The following STK32B variants were observed in gnomAD, a reference collection of about 807,000 sequenced individuals.
STK32B encodes the protein serine/threonine kinase 32B.
In STK32B, 43 loss-of-function variants were observed where a neutral mutation model predicts 52.6. The observed-to-expected ratio is 0.82, with a 90% CI of 0.64 to 1.05. The LOEUF (loss-of-function observed/expected upper bound fraction) is 1.05. Among genes scored for constraint, STK32B ranks in the 50% least tolerant of loss-of-function variants. The probability of loss-of-function intolerance (pLI) is 0.00; values close to 1 mark genes in which losing one functional copy is unlikely to be tolerated. For synonymous variants in STK32B, 238 were observed against 204.3 expected (o/e 1.17, Z -1.41); for missense variants, 621 against 534.6 (o/e 1.16, Z -1.59).
chr4:5,428,936 T>C (rs1225967735), intron 6 of STK32B, among the ~76,000 whole-genome samples: 1 of 152,222 alleles, frequency 6.6e-6, no homozygotes, highest in Non-Finnish European at 1.5e-5. Context: ...TTACATGACA[T>C]ATCCAGTGGT....
chr4:5,099,859 G>A (rs1713629953), intron 1 of STK32B, among the ~76,000 whole-genome samples: 1 of 152,110 alleles, frequency 6.6e-6, no homozygotes, highest in Admixed American at 6.5e-5. Flanking sequence ...CTGAGCCAGG[G>A]TGGGCAGCCA....
rs150364647 is a variant in STK32B at position 5,058,705 on chromosome 4, A to G, written c.52+6790A>G. The stretch of plus-strand genomic sequence containing the variant: ...AGCCTACAAAGTAGACCATAGGAAC[A>G]CACCACCATGCCCTGCTAGTTTATT... On this transcript the variant is annotated intron_variant, in intron 1 of 11. Coordinates refer to ENST00000282908, the MANE Select transcript of STK32B (RefSeq NM_018401.3). This position sits in a 1 kb window ranked among gnomAD's most constrained non-coding sequence, Gnocchi z 4.8. Among the ~76,000 whole-genome samples the G allele has an allele frequency of 2.0e-5, 3 of 152,202 alleles. No homozygotes were observed. In the South Asian group the frequency reaches 6.3e-4, roughly 32 times the overall value.
intron 1 of STK32B, among the ~76,000 whole-genome samples, chr4:5,069,030 A>G (rs1292405170): frequency 1.3e-5 from 2 of 152,168 alleles, no homozygotes; most frequent in Non-Finnish European, 2.9e-5. Flanking sequence ...TTAGTTTGCA[A>G]CTTGTTCCAT....
At chr4:5,415,614 C>A (rs168986) in intron 5 of STK32B, among the ~76,000 whole-genome samples, 107,837 of 152,122 alleles carry the variant, frequency 0.71, 39,264 homozygotes, top group East Asian at 0.9. Flanking sequence ...TGGGTGACTT[C>A]AGCTTCATCC....
chr4:5,137,095 C>T (rs1164145681), intron 1 of STK32B, among the ~76,000 whole-genome samples: 1 of 152,206 alleles, frequency 6.6e-6, no homozygotes, highest in African/African-American at 2.4e-5. Context: ...TAACACCTCC[C>T]TCCAGTTAGG....
At chr4:5,053,489 T>A (rs555029984) in intron 1 of STK32B, among the ~76,000 whole-genome samples, 2 of 152,330 alleles carry the variant, frequency 1.3e-5, no homozygotes, top group African/African-American at 4.8e-5. Flanking sequence ...TTTCCTAGCA[T>A]CTTTCTCTTT....
intron 1 of STK32B, among the ~76,000 whole-genome samples, chr4:5,079,523 G>C (rs2108774020): frequency 6.6e-6 from 1 of 152,224 alleles, no homozygotes; most frequent in South Asian, 2.1e-4. Context: ...TTGTTGCTTA[G>C]AGAGTTAGAA....
chr4:5,346,525 TTGCATAATTGA>T (rs2108978609), intron 4 of STK32B, among the ~76,000 whole-genome samples: 1 of 152,254 alleles, frequency 6.6e-6, no homozygotes, highest in Admixed American at 6.5e-5. Flanking sequence ...AAAACCCAGA[TTGCATAATTGA>T]TGCAGGGAGG....
At chr4:5,162,918 G>T (rs1718556214) in intron 2 of STK32B, among the ~76,000 whole-genome samples, 1 of 152,204 alleles carries the variant, frequency 6.6e-6, no homozygotes, top group Non-Finnish European at 1.5e-5. Context: ...TGCTACATCA[G>T]TTTCAGCAGA....
At chr4:5,191,690 G>T (rs907437770) in intron 3 of STK32B, among the ~76,000 whole-genome samples, 1 of 152,160 alleles carries the variant, frequency 6.6e-6, no homozygotes, top group Non-Finnish European at 1.5e-5. Flanking sequence ...TTGACCACCC[G>T]CAGCCTGCTT....
intron 4 of STK32B, among the ~76,000 whole-genome samples, chr4:5,347,018 G>C (rs1733513834): frequency 6.6e-6 from 1 of 152,180 alleles, no homozygotes; most frequent in Admixed American, 6.5e-5. Flanking sequence ...AGAACAGCAT[G>C]AGAGAAACTG....
chr4:5,270,447 C>G (rs974644181), intron 3 of STK32B, among the ~76,000 whole-genome samples: 1 of 152,152 alleles, frequency 6.6e-6, no homozygotes, highest in East Asian at 1.9e-4. Flanking sequence ...GAGGGTGGGT[C>G]TGCCTTTCCC....
At chr4:5,136,390 TAA>T (rs1716081562) in intron 1 of STK32B, among the ~76,000 whole-genome samples, 1 of 151,708 alleles carries the variant, frequency 6.6e-6, no homozygotes, top group Non-Finnish European at 1.5e-5. Flanking sequence ...TTTGCAGCTC[TAA>T]GAGTCTGGTG....
chr4:5,261,501 C>T (rs1726710874), intron 3 of STK32B, among the ~76,000 whole-genome samples: 1 of 152,098 alleles, frequency 6.6e-6, no homozygotes, highest in Non-Finnish European at 1.5e-5. Context: ...AAGACCCTGT[C>T]ACACATCAGA....
intron 1 of STK32B, among the ~76,000 whole-genome samples, chr4:5,120,453 T>C (rs1430276923): frequency 6.6e-6 from 1 of 152,222 alleles, no homozygotes; most frequent in Non-Finnish European, 1.5e-5. Context: ...ACTGTTATAA[T>C]TTTTCCATAT....
chr4:5,367,463 A>G (rs1734948815), intron 4 of STK32B, among the ~76,000 whole-genome samples: 1 of 152,062 alleles, frequency 6.6e-6, no homozygotes. Context: ...CTCCTTATTG[A>G]CCACATGTTA....
At chr4:5,102,440 C>CCTTT in intron 1 of STK32B, among the ~76,000 whole-genome samples, 1 of 35,088 alleles carries the variant, frequency 2.8e-5, no homozygotes, top group African/African-American at 8.0e-5. Context: ...TTCCTTGCTT[C>CCTTT]CTTCCTTCCT....
intron 3 of STK32B, among the ~76,000 whole-genome samples, chr4:5,283,289 T>A (rs1728326573): frequency 6.7e-6 from 1 of 148,284 alleles, no homozygotes; most frequent in Admixed American, 6.6e-5. Context: ...TTCCATTGTT[T>A]ATATTACCCA....
At chr4:5,208,319 G>A (rs371940838) in intron 3 of STK32B, among the ~76,000 whole-genome samples, 6 of 152,148 alleles carry the variant, frequency 3.9e-5, no homozygotes, top group African/African-American at 9.7e-5. Flanking sequence ...AGGAAGGAGC[G>A]CCGGATATTG....
Sources: gnomAD v4.1 joint callset for allele counts (sites outside exome capture counted in the v4.1 genomes callset) on GRCh38, gnomAD v4.1.1 for gene constraint, Gnocchi (gnomAD v3.1) non-coding constraint, MANE v1.5 for transcripts, NCBI Gene and HGNC (gene_info 2026-07-23, HGNC 2026-07-21) for gene names.